The following TRAPPC8 variants were observed in gnomAD, a reference collection of about 807,000 sequenced individuals.
TRAPPC8 encodes trafficking protein particle complex subunit 8, also known as general sporulation gene 1 homolog.
Under a neutral mutation model 174.3 loss-of-function variants are expected in TRAPPC8, and 54 were observed. That is an observed-to-expected ratio of 0.31 (90% CI 0.25 to 0.39). TRAPPC8 has a LOEUF of 0.39. Among genes scored for constraint, TRAPPC8 ranks in the 10% least tolerant of loss-of-function variants. The pLI is 1.00. For synonymous variants in TRAPPC8, 630 were observed against 579.9 expected, an observed-to-expected ratio of 1.09 and a Z score of -1.24; for missense variants, 1,531 against 1,699.1, an observed-to-expected ratio of 0.90 and a Z score of 1.74.
intron 28 of TRAPPC8, among the ~76,000 whole-genome samples, chr18:31,831,839 A>C (rs995063102): frequency 2.0e-5 from 3 of 152,114 alleles, no homozygotes; most frequent in Non-Finnish European, 4.4e-5. Flanking sequence ...TGGCTCTAGG[A>C]GTATCTGATG....
intron 5 of TRAPPC8, among the ~76,000 whole-genome samples, chr18:31,910,684 C>T (rs2036867365): frequency 6.6e-6 from 1 of 152,130 alleles, no homozygotes; most frequent in African/African-American, 2.4e-5. Context: ...CGCAGTCATT[C>T]GTAAGTTTAA....
intron 19 of TRAPPC8, among the ~76,000 whole-genome samples, chr18:31,864,076 A>G (rs2034469459): frequency 6.7e-6 from 1 of 148,296 alleles, no homozygotes; most frequent in Admixed American, 6.8e-5. Context: ...TATATAATAT[A>G]TATGTTCTAT....
chr18:31,941,194 G>T (rs1445583167), intron 1 of TRAPPC8, among the ~76,000 whole-genome samples: 1 of 152,296 alleles, frequency 6.6e-6, no homozygotes, highest in Middle Eastern at 3.4e-3. Context: ...CATAATCCCC[G>T]CACTTTGCGA....
rs756664726 is a variant in TRAPPC8, at chr18:31,931,364, A to C, written c.317T>G (p.Val106Gly). Reference protein sequence around the residue: ...SQPAEGLVANVITAGDYDLNI... With the variant: ...SQPAEGLVANGITAGDYDLNI... ...AAGGTCATAATCTCCTGCTGTAATCACATTAGCTACTAATCCTTCTGCAGG... is the reference window on the plus strand; with the variant it reads ...AAGGTCATAATCTCCTGCTGTAATCCCATTAGCTACTAATCCTTCTGCAGG... The change falls in exon 2 of 29, where the codon GTG becomes GGG. Residue 106 changes from valine to glycine, a missense_variant. Coordinates refer to ENST00000283351, the MANE Select transcript of TRAPPC8 (RefSeq NM_014939.5). The C allele has an allele frequency of 6.2e-7, 1 of 1,605,818 alleles. No homozygotes were observed. The highest frequency in any genetic ancestry group is 8.5e-7 in the Non-Finnish European group (1 of 1,176,112).
At chr18:31,866,062 T>C (rs1301091330) in intron 18 of TRAPPC8, among the ~76,000 whole-genome samples, 1 of 152,006 alleles carries the variant, frequency 6.6e-6, no homozygotes, top group Non-Finnish European at 1.5e-5. Flanking sequence ...TTCCAAGTGT[T>C]CCCACTTTCT....
At chr18:31,852,890 T>C (rs569689300) in intron 22 of TRAPPC8, 15 of 467,756 alleles carry the variant, frequency 3.2e-5, no homozygotes, top group Non-Finnish European at 5.3e-5. Flanking sequence ...TATATATATA[T>C]GTATTCATAT....
chr18:31,876,489 C>CAAAAAAAAGAAA (rs2035153893), intron 12 of TRAPPC8, among the ~76,000 whole-genome samples: 1 of 48,722 alleles, frequency 2.1e-5, no homozygotes, highest in Non-Finnish European at 3.6e-5. Flanking sequence ...GACTCCATCT[C>CAAAAAAAAGAAA]AAAAAAAAAA....
intron 1 of TRAPPC8, among the ~76,000 whole-genome samples, chr18:31,939,110 CTT>C (rs2038223062): frequency 7.3e-6 from 1 of 137,024 alleles, no homozygotes; most frequent in Admixed American, 7.4e-5. Context: ...AAAAAGCTGT[CTT>C]TGAAGAATCC....
chr18:31,843,333 G>C (rs1009855702), intron 26 of TRAPPC8, among the ~76,000 whole-genome samples: 7 of 152,046 alleles, frequency 4.6e-5, no homozygotes, highest in African/African-American at 1.4e-4. Context: ...ATGTTTACGT[G>C]AACTTCATAT....
intron 26 of TRAPPC8, among the ~76,000 whole-genome samples, chr18:31,840,438 A>G (rs539048684): frequency 6.6e-6 from 1 of 152,240 alleles, no homozygotes; most frequent in Admixed American, 6.5e-5. Flanking sequence ...ATGAAAGTAG[A>G]GAAACATCCC....
At chr18:31,922,589 G>A (rs1168531670) in intron 2 of TRAPPC8, among the ~76,000 whole-genome samples, 1 of 152,010 alleles carries the variant, frequency 6.6e-6, no homozygotes, top group African/African-American at 2.4e-5. Flanking sequence ...GCAAGACCCT[G>A]TCTCAAAACG....
chr18:31,918,408 CTT>C (rs1356295646), intron 2 of TRAPPC8, among the ~76,000 whole-genome samples: 2 of 152,126 alleles, frequency 1.3e-5, no homozygotes, highest in Non-Finnish European at 2.9e-5. Context: ...AAAAATAACA[CTT>C]AGCATAGAGG....
intron 10 of TRAPPC8, among the ~76,000 whole-genome samples, chr18:31,898,401 T>C (rs2036272632): frequency 6.6e-6 from 1 of 152,246 alleles, no homozygotes; most frequent in Non-Finnish European, 1.5e-5. Flanking sequence ...ATCAAAACTT[T>C]TCATTATCAT....
Position 31,924,915 on chromosome 18 carries a change from T to A in TRAPPC8, c.352+6414A>T, listed in dbSNP as rs540568595. On this transcript the variant is annotated intron_variant, in intron 2 of 28. Transcript: ENST00000283351. ...CAATTTCCCACAACCAAATCATAAC[T>A]ATGTTCCTATAAATGATCTGCCAAA... is the stretch of plus-strand genomic sequence containing the variant. Among the ~76,000 whole-genome samples, 3 of 151,906 alleles carry A rather than the reference T, an allele frequency of 2.0e-5. No individual in the cohort carries two copies. The South Asian group carries it at 6.2e-4, about 32-fold the overall frequency.
rs754269060 is a variant in TRAPPC8 at position 31,873,404 on chromosome 18, A to G, written c.2062+26T>C. 3.9e-6 allele frequency: 6 copies of G among 1,554,794 alleles called. No individual in the cohort carries two copies. The Admixed American group carries it at 1.1e-4, about 28-fold the overall frequency. ...GTTTTTTTTAAATTGTCATTAGGTA[A>G]TTAGGCTAAATAAAACTTTACTAAC... is the stretch of plus-strand genomic sequence containing the variant. On this transcript the variant is annotated intron_variant, in intron 14 of 28. Transcript: ENST00000283351.
chr18:31,836,917 A>C (rs893961521), intron 27 of TRAPPC8, among the ~76,000 whole-genome samples: 12 of 152,028 alleles, frequency 7.9e-5, no homozygotes, highest in African/African-American at 2.6e-4. Flanking sequence ...GCCCGCCACC[A>C]CACCCGGCTA....
chr18:31,892,945 AGGCTGC>A (rs2036018411), intron 11 of TRAPPC8, among the ~76,000 whole-genome samples: 1 of 149,404 alleles, frequency 6.7e-6, no homozygotes, highest in Non-Finnish European at 1.5e-5. Flanking sequence ...TGAGCCTGGG[AGGCTGC>A]GGCTGCAGTG....
At chr18:31,869,853 C>G (rs2034758676) in intron 16 of TRAPPC8, among the ~76,000 whole-genome samples, 2 of 152,254 alleles carry the variant, frequency 1.3e-5, no homozygotes, top group East Asian at 1.9e-4. Context: ...CTTCGGGAGG[C>G]TGAGGCGGGA....
chr18:31,867,027 G>A (rs149638719), intron 17 of TRAPPC8, 52 bp from the exon 18 acceptor site: 648 of 1,576,870 alleles, frequency 4.1e-4, no homozygotes, highest in Non-Finnish European at 5.3e-4. Context: ...ATCTTAAATA[G>A]CACAATACCT....
Sources: gnomAD v4.1 joint callset for allele counts (sites outside exome capture counted in the v4.1 genomes callset) on GRCh38, gnomAD v4.1.1 for gene constraint, MANE v1.5 for transcripts, NCBI Gene and HGNC (gene_info 2026-07-23, HGNC 2026-07-21) for gene names.